Variants in SYT16 observed in about 807,000 individuals in gnomAD.
SYT16 encodes synaptotagmin 16, also known as synaptotagmin-16.
In SYT16, 42 loss-of-function variants were observed where a neutral mutation model predicts 61.4. The observed-to-expected ratio is 0.68, with a 90% CI of 0.53 to 0.89. The LOEUF (loss-of-function observed/expected upper bound fraction) is 0.89, where lower values mean the gene tolerates loss of function less well. Among genes scored for constraint, SYT16 ranks in the 40% least tolerant of loss-of-function variants. The pLI is 0.00. For synonymous variants in SYT16, 314 were observed against 302.3 expected (o/e 1.04, Z -0.40); for missense variants, 804 against 807.3 (o/e 1.00, Z 0.05).
upstream of SYT16, chr14:61,812,512 G>GGACGC (rs1170045017): frequency 1.3e-5 from 2 of 151,582 alleles, no homozygotes; most frequent in African/African-American, 4.8e-5. Flanking sequence ...GGAGGGGGAC[G>GGACGC]GACGCGGCGA....
chr14:62,027,810 C>T (rs2054159377), intron 3 of SYT16, among the ~76,000 whole-genome samples: 1 of 152,142 alleles, frequency 6.6e-6, no homozygotes, highest in South Asian at 2.1e-4. Context: ...GTCTTGTGTT[C>T]TCCTTTTTTG....
At chr14:61,859,237 C>G (rs2046889297) in intron 1 of SYT16, among the ~76,000 whole-genome samples, 1 of 152,134 alleles carries the variant, frequency 6.6e-6, no homozygotes, top group Non-Finnish European at 1.5e-5. Context: ...GGAGCTTGCG[C>G]TAGTGAATGC....
chr14:61,936,295 T>A (rs546953000), intron 1 of SYT16, among the ~76,000 whole-genome samples: 2 of 152,254 alleles, frequency 1.3e-5, no homozygotes, highest in South Asian at 2.1e-4. Context: ...TGAGGAGTCA[T>A]CATTTTCTGC....
At chr14:61,942,920 CA>C (rs562087969) in intron 1 of SYT16, among the ~76,000 whole-genome samples, 72 of 151,916 alleles carry the variant, frequency 4.7e-4, no homozygotes, top group African/African-American at 1.7e-3. Flanking sequence ...AAAAACCCTT[CA>C]AAAAAATCAA....
intron 3 of SYT16, among the ~76,000 whole-genome samples, chr14:62,018,654 G>C (rs1418416457): frequency 6.6e-6 from 1 of 152,098 alleles, no homozygotes; most frequent in Non-Finnish European, 1.5e-5. Context: ...TGCACTAGCT[G>C]TTTCCCCTAT....
At chr14:61,821,550 T>C (rs1566608008) in intron 1 of SYT16, among the ~76,000 whole-genome samples, 2 of 152,238 alleles carry the variant, frequency 1.3e-5, no homozygotes, top group Non-Finnish European at 2.9e-5. Flanking sequence ...TGCAGGCTGA[T>C]GGACTGAGGG....
intron 7 of SYT16, among the ~76,000 whole-genome samples, chr14:62,089,964 G>T (rs2057014602): frequency 6.6e-6 from 1 of 152,222 alleles, no homozygotes; most frequent in Non-Finnish European, 1.5e-5. Context: ...CAACTTTGCA[G>T]CTCTATTCTG....
intron 1 of SYT16, among the ~76,000 whole-genome samples, chr14:61,881,157 C>T (rs552906537): frequency 3.9e-5 from 6 of 152,250 alleles, no homozygotes; most frequent in Non-Finnish European, 7.4e-5. Flanking sequence ...TTGCAAAGTT[C>T]CCTTTCTTAA....
chr14:62,000,792 T>C (rs1311283724), intron 3 of SYT16, among the ~76,000 whole-genome samples: 1 of 152,106 alleles, frequency 6.6e-6, no homozygotes, highest in Non-Finnish European at 1.5e-5. Flanking sequence ...ATTTCATGTA[T>C]AGTTTGATGA....
At chr14:61,943,949 G>A (rs566793392) in intron 1 of SYT16, among the ~76,000 whole-genome samples, 1 of 152,212 alleles carries the variant, frequency 6.6e-6, no homozygotes, top group South Asian at 2.1e-4. Context: ...AATTGTCTCT[G>A]TTTGCAGATG....
intron 1 of SYT16, among the ~76,000 whole-genome samples, chr14:61,919,605 G>T (rs1445802170): frequency 1.3e-5 from 2 of 152,122 alleles, no homozygotes. Context: ...CCATTTCTCT[G>T]GTCCTTCTTA....
At chr14:61,830,437 C>T (rs2045902603) in intron 1 of SYT16, among the ~76,000 whole-genome samples, 1 of 152,102 alleles carries the variant, frequency 6.6e-6, no homozygotes. Flanking sequence ...ATAGCCTTTG[C>T]CCTGCTATTC....
intron 2 of SYT16, among the ~76,000 whole-genome samples, chr14:61,974,118 G>A (rs916905721): frequency 8.5e-5 from 13 of 152,136 alleles, no homozygotes; most frequent in African/African-American, 2.9e-4. Flanking sequence ...TTGAGAAGAC[G>A]CCGCTGCTAC....
intron 3 of SYT16, among the ~76,000 whole-genome samples, chr14:62,054,728 T>C (rs1470220399): frequency 2.0e-5 from 3 of 152,222 alleles, no homozygotes; most frequent in African/African-American, 7.2e-5. Context: ...ATATTCATTA[T>C]AGAGTCGATG....
chr14:62,099,527 A>G (rs2057364009), intron 7 of SYT16, among the ~76,000 whole-genome samples: 1 of 152,194 alleles, frequency 6.6e-6, no homozygotes, highest in South Asian at 2.1e-4. Flanking sequence ...AGTTGGGGGC[A>G]TATTGAATGT....
chr14:61,979,669 G>A (rs2051977623), intron 2 of SYT16, among the ~76,000 whole-genome samples: 1 of 152,134 alleles, frequency 6.6e-6, no homozygotes. Context: ...GGATCACGAG[G>A]TCAAGAGATC....
chr14:61,831,542 A>G lies in SYT16; in HGVS notation c.-325+18732A>G, dbSNP rs185450843. On this transcript the variant is annotated intron_variant, in intron 1 of 7. Transcript: ENST00000683842. ...AAAATTCTTAGTCATCTCTTTGAGT[A>G]TTGTCTCTCTCCCATTCCCTTCTTA... Among the ~76,000 whole-genome samples, 594 of 152,202 alleles carry G rather than the reference A, an allele frequency of 3.9e-3. 2 individuals are homozygous for G. Among genetic ancestry groups the G allele is most frequent in the Non-Finnish European group, 3.7e-3 (255 of 68,020 alleles).
chr14:61,981,784 G>A (rs756544762), intron 2 of SYT16, among the ~76,000 whole-genome samples: 2 of 152,092 alleles, frequency 1.3e-5, no homozygotes, highest in African/African-American at 4.8e-5. Flanking sequence ...ACCTGTGCAC[G>A]TTTACAGTTG....
chr14:61,822,248 G>A (rs901286226), intron 1 of SYT16, among the ~76,000 whole-genome samples: 1 of 152,154 alleles, frequency 6.6e-6, no homozygotes, highest in African/African-American at 2.4e-5. Context: ...CACGTCCAAG[G>A]GCAGGAGGAG....
Sources: gnomAD v4.1 joint callset for allele counts (sites outside exome capture counted in the v4.1 genomes callset) on GRCh38, gnomAD v4.1.1 for gene constraint, MANE v1.5 for transcripts, NCBI Gene and HGNC (gene_info 2026-07-23, HGNC 2026-07-21) for gene names.